The following PTPN4 variants were observed in gnomAD, a reference collection of about 807,000 sequenced individuals.
PTPN4 encodes the protein protein tyrosine phosphatase non-receptor type 4, also known as tyrosine-protein phosphatase non-receptor type 4.
In PTPN4, 49 loss-of-function variants were observed where a neutral mutation model predicts 135.5. The ratio of observed to expected loss-of-function variants is 0.36; its 90% confidence interval spans 0.29 to 0.46. PTPN4 has a LOEUF of 0.46. Ranked by LOEUF, PTPN4 falls within the 20% of genes least tolerant of loss-of-function variation. The probability of loss-of-function intolerance (pLI) is 1.00; values close to 1 mark genes in which losing one functional copy is unlikely to be tolerated. For missense variants in PTPN4, 860 were observed against 1,101.0 expected (o/e 0.78, Z 3.10); for synonymous variants, 333 against 369.9 (o/e 0.90, Z 1.14).
At position 119,955,262 on chromosome 2, in the gene PTPN4, G is replaced by A. The variant is rs141362505; in HGVS notation, c.1919G>A (p.Arg640Gln). The A allele has an allele frequency of 7.0e-4, 1,126 of 1,613,296 alleles. 2 individuals carry two copies. The highest frequency in any genetic ancestry group is 9.1e-4 in the Non-Finnish European group (1,074 of 1,179,742). ...DSVHQDDHSL[R>Q]ESMIQLAEGL... ...GTGCATCAGGATGACCATTCCCTGC[G>A]GGAGTCAATGATCCAGCTAGCTGAG... Residue 640 changes from arginine to glutamine, a missense_variant, in exon 20 of 27, where the codon CGG (arginine) becomes CAG (glutamine). Around this residue, in one of 2 missense-constraint regions of PTPN4, gnomAD observed 684 missense variants for 807.0 expected, o/e 0.85. Transcript: ENST00000263708.
At chr2:119,765,677 A>G (rs746795170) in intron 1 of PTPN4, among the ~76,000 whole-genome samples, 1 of 152,368 alleles carries the variant, frequency 6.6e-6, no homozygotes, top group Middle Eastern at 3.4e-3. Flanking sequence ...GTGGTAACAC[A>G]TGTCAACAAA....
intron 11 of PTPN4, among the ~76,000 whole-genome samples, chr2:119,917,560 C>A (rs1558763696): frequency 6.6e-6 from 1 of 152,004 alleles, no homozygotes; most frequent in Admixed American, 6.6e-5. Context: ...ATGGCAAAAC[C>A]CCATCTCTAC....
At chr2:119,780,677 A>G (rs959980404) in intron 1 of PTPN4, among the ~76,000 whole-genome samples, 1 of 152,262 alleles carries the variant, frequency 6.6e-6, no homozygotes, top group African/African-American at 2.4e-5. Context: ...TTCTCAGTAT[A>G]TGACATCAGG....
intron 15 of PTPN4, among the ~76,000 whole-genome samples, chr2:119,939,950 T>C (rs144088359): frequency 1.3e-5 from 2 of 152,220 alleles, no homozygotes; most frequent in African/African-American, 4.8e-5. Context: ...TATTAGATGC[T>C]GTTGTATTCA....
chr2:119,820,139 G>C (rs1677044333), intron 2 of PTPN4, among the ~76,000 whole-genome samples: 1 of 152,140 alleles, frequency 6.6e-6, no homozygotes. Context: ...GGAATTATAG[G>C]CATGAGCCGC....
At chr2:119,965,069 T>C (rs1679426338) in intron 24 of PTPN4, among the ~76,000 whole-genome samples, 1 of 152,008 alleles carries the variant, frequency 6.6e-6, no homozygotes, top group African/African-American at 2.4e-5. Flanking sequence ...GGCTGGGAAG[T>C]TAAGATCGTT....
intron 19 of PTPN4, among the ~76,000 whole-genome samples, chr2:119,953,621 GTATTA>G (rs1207511906): frequency 3.9e-5 from 6 of 152,078 alleles, no homozygotes; most frequent in Admixed American, 1.3e-4. Context: ...TGTATTTATT[GTATTA>G]TATTTTCTCT....
intron 1 of PTPN4, among the ~76,000 whole-genome samples, chr2:119,808,972 C>A (rs1691531430): frequency 6.6e-6 from 1 of 152,064 alleles, no homozygotes; most frequent in African/African-American, 2.4e-5. Context: ...TTCAAACATC[C>A]CAAATACTAG....
intron 2 of PTPN4, among the ~76,000 whole-genome samples, chr2:119,857,057 A>G (rs548377806): frequency 2.0e-4 from 30 of 151,756 alleles, no homozygotes; most frequent in African/African-American, 7.0e-4. Flanking sequence ...TCAGCTTAAG[A>G]TCTCCTATTT....
chr2:119,832,838 T>A (rs890030596), intron 2 of PTPN4, among the ~76,000 whole-genome samples: 2 of 152,192 alleles, frequency 1.3e-5, no homozygotes, highest in Non-Finnish European at 2.9e-5. Flanking sequence ...ATACATTCTT[T>A]TACGCACATT....
intron 2 of PTPN4, among the ~76,000 whole-genome samples, chr2:119,828,371 T>A (rs778569512): frequency 1.3e-5 from 2 of 152,256 alleles, no homozygotes; most frequent in Non-Finnish European, 2.9e-5. Flanking sequence ...TATGTTTGTG[T>A]ATTTGTCTTA....
At chr2:119,791,903 C>G (rs975838927) in intron 1 of PTPN4, among the ~76,000 whole-genome samples, 2 of 152,122 alleles carry the variant, frequency 1.3e-5, no homozygotes, top group Non-Finnish European at 2.9e-5. Flanking sequence ...TACTATCTTT[C>G]TCGGACTTTT....
rs778030929 is a variant in PTPN4, at chr2:119,965,503, G to C, written c.2416G>C (p.Glu806Gln). The C allele has an allele frequency of 2.7e-5, 43 of 1,599,710 alleles. No individual in the cohort carries two copies. Among genetic ancestry groups the C allele is most frequent in the Non-Finnish European group, 3.5e-5 (41 of 1,175,634 alleles). ...KMTLFNQEKN[E>Q]SRPLTQIQYI... is the part of the protein sequence containing the mutation. ...ATTTTTCATTTGTTCTTAGAAAAATGAAAGTCGTCCACTCACTCAGATCCA... is the reference window on the plus strand; with the variant it reads ...ATTTTTCATTTGTTCTTAGAAAAATCAAAGTCGTCCACTCACTCAGATCCA... The change falls in exon 25 of 27, where the codon GAA becomes CAA. Residue 806 changes from glutamate (E) to glutamine (Q), a missense_variant. Physicochemically the swap from Glu to Gln is conservative, Grantham distance 29. Coordinates refer to ENST00000263708, the MANE Select transcript of PTPN4 (RefSeq NM_002830.4).
chr2:119,969,551 T>C (rs1280516324), intron 26 of PTPN4, among the ~76,000 whole-genome samples: 2 of 94,192 alleles, frequency 2.1e-5, no homozygotes, highest in East Asian at 6.1e-4. Flanking sequence ...GTAATCAATT[T>C]CTTTTTTTTT....
chr2:119,954,692 C>T (rs1404819903), intron 19 of PTPN4, among the ~76,000 whole-genome samples: 1 of 152,180 alleles, frequency 6.6e-6, no homozygotes, highest in Non-Finnish European at 1.5e-5. Flanking sequence ...CTAGAATTCT[C>T]ATTTATAGTC....
At chr2:119,896,767 T>A (rs1450886690) in intron 9 of PTPN4, among the ~76,000 whole-genome samples, 4 of 152,250 alleles carry the variant, frequency 2.6e-5, no homozygotes, top group Non-Finnish European at 5.9e-5. Flanking sequence ...GAATGTTTGA[T>A]TCTTTTCCTT....
At position 119,955,338 on chromosome 2, in the gene PTPN4, T is replaced by A; in HGVS notation, c.1980+15T>A. ...CACAGTTTGATGTAAGTAATATCAT[T>A]ATATATTAAAAGCATTTTGCTGATA... On this transcript the variant is annotated intron_variant, in intron 20 of 26. Transcript: ENST00000263708. 1 of 1,541,656 alleles carries A rather than the reference T, an allele frequency of 6.5e-7. No homozygotes were observed. The highest frequency in any genetic ancestry group is 1.3e-5 in the South Asian group (1 of 79,128).
In PTPN4 at chr2:119,882,574, C is replaced by T. The variant is rs1403201219; in HGVS notation, c.538C>T (p.Gln180Ter). The change falls in exon 8 of 27, where the codon CAA becomes TAA. Residue 180 changes from glutamine (Q) to a stop codon, truncating the protein, a stop_gained. Coordinates refer to ENST00000263708, the MANE Select transcript of PTPN4 (RefSeq NM_002830.4). LOFTEE classifies it high-confidence loss of function. ...YLSDYSFIPN[Q>*]PQDFEKEIAK... ...CTCAGATTATTCTTTCATTCCTAAT[C>T]AACCTCAAGATTTTGAAAAAGAAAT... 1 of 1,563,448 alleles carries T rather than the reference C, an allele frequency of 6.4e-7. No individual in the cohort carries two copies. The highest frequency in any genetic ancestry group is 1.4e-5 in the African/African-American group (1 of 73,460).
intron 3 of PTPN4, among the ~76,000 whole-genome samples, chr2:119,869,025 A>T (rs1432601615): frequency 6.6e-6 from 1 of 152,252 alleles, no homozygotes; most frequent in African/African-American, 2.4e-5. Context: ...AACATGTCTC[A>T]TAAAGCCTTG....
Sources: allele counts gnomAD v4.1 joint callset (sites outside exome capture counted in the v4.1 genomes callset), GRCh38; gene constraint gnomAD v4.1.1; regional missense constraint gnomAD v4.1.1; transcripts MANE v1.5; gene names NCBI Gene and HGNC (gene_info 2026-07-23, HGNC 2026-07-21).